The following PRDM2 variants were observed in gnomAD, a reference collection of about 807,000 sequenced individuals.
PRDM2 encodes the protein PR/SET domain 2, also known as PR domain zinc finger protein 2.
PRDM2 carries 30 observed loss-of-function variants against 130.0 expected under a neutral mutation model. That is an observed-to-expected ratio of 0.23 (90% CI 0.17 to 0.31). PRDM2 has a LOEUF of 0.31. Among genes scored for constraint, PRDM2 ranks in the 10% least tolerant of loss-of-function variants. PRDM2 has a pLI of 1.00. For synonymous variants in PRDM2, 871 were observed against 782.4 expected (o/e 1.11, Z -1.89); for missense variants, 2,011 against 2,108.4 (o/e 0.95, Z 0.90).
At chr1:13,797,299 C>A (rs751686571) in intron 8 of PRDM2, among the ~76,000 whole-genome samples, 1 of 152,140 alleles carries the variant, frequency 6.6e-6, no homozygotes, top group Non-Finnish European at 1.5e-5. Flanking sequence ...TGTCTTCATT[C>A]TTATGTTAGG....
At chr1:13,706,621 G>A (rs1642218444) in intron 1 of PRDM2, among the ~76,000 whole-genome samples, 1 of 151,998 alleles carries the variant, frequency 6.6e-6, no homozygotes, top group South Asian at 2.1e-4. Flanking sequence ...TTCTGTCCTT[G>A]CTCTGCACTG....
In PRDM2 at chr1:13,749,478, A is replaced by G; in HGVS notation, c.502A>G (p.Ser168Gly). The change falls in exon 6 of 10, where the codon AGC becomes GGC. Residue 168 changes from serine (S) to glycine (G), a missense_variant. Ser to Gly is a moderately conservative substitution (Grantham distance 56, BLOSUM62 0). Transcript: ENST00000311066. Reference protein sequence around the residue: ...SARSKRSSPKSRKGKKKSQEN... With the variant: ...SARSKRSSPKGRKGKKKSQEN... The stretch of plus-strand genomic sequence containing the variant: ...CCGGAGCAAGCGGAGCTCCCCCAAG[A>G]GCCGGAAAGGTAGGAGCCCCCCGGC... 2 of 1,463,562 alleles carry G rather than the reference A, an allele frequency of 1.4e-6. No homozygotes were observed. The highest frequency in any genetic ancestry group is 1.8e-6 in the Non-Finnish European group (2 of 1,091,428). 90.7% of individuals were successfully genotyped at this position (1,463,562 alleles called of 1,614,324 possible). A position where few individuals can be genotyped will look rare whatever the true frequency, so the allele number is the denominator to read the frequency against.
At position 13,781,344 on chromosome 1, in the gene PRDM2, G is replaced by A; in HGVS notation, c.3549G>A (p.Leu1183=). Residue 1183 remains leucine, a synonymous_variant, in exon 8 of 10, where the codon TTG becomes TTA. Coordinates refer to ENST00000311066, the MANE Select transcript of PRDM2 (RefSeq NM_001393986.1). The surrounding 1 kb of genome is among the most constrained non-coding windows in gnomAD (Gnocchi z 6.1). ...CGGACTTGTCAGAACATCGCTTTTT[G>A]CTTCATGGAGTTGGGAATATCTTTG... ...DKTDLSEHRF[L]LHGVGNIFVC... The A allele has an allele frequency of 1.2e-6, 2 of 1,613,734 alleles. No homozygotes were observed. The highest frequency in any genetic ancestry group is 1.7e-6 in the Non-Finnish European group (2 of 1,179,908).
At chr1:13,731,354 G>A (rs1643102814) in intron 3 of PRDM2, among the ~76,000 whole-genome samples, 2 of 151,926 alleles carry the variant, frequency 1.3e-5, no homozygotes, top group South Asian at 4.2e-4. Flanking sequence ...ACACACACAC[G>A]TAGGTCCCAT....
intron 8 of PRDM2, among the ~76,000 whole-genome samples, chr1:13,786,083 C>T (rs758895397): frequency 6.6e-6 from 1 of 151,980 alleles, no homozygotes; most frequent in Non-Finnish European, 1.5e-5. Flanking sequence ...TATGATCCGC[C>T]CGTCTCGGCC....
chr1:13,728,602 G>C (rs779144230), intron 2 of PRDM2, among the ~76,000 whole-genome samples: 8 of 152,070 alleles, frequency 5.3e-5, no homozygotes, highest in South Asian at 2.1e-4. Context: ...GTAATGTGAA[G>C]GATACGACAA....
chr1:13,764,125 T>A (rs1644168106), intron 6 of PRDM2, among the ~76,000 whole-genome samples: 1 of 152,234 alleles, frequency 6.6e-6, no homozygotes, highest in African/African-American at 2.4e-5. Flanking sequence ...GATTTTCTTC[T>A]TAGCTGAGAG....
At chr1:13,817,428 A>C (rs1645274509) in intron 9 of PRDM2, among the ~76,000 whole-genome samples, 2 of 152,138 alleles carry the variant, frequency 1.3e-5, no homozygotes, top group Admixed American at 1.3e-4. Flanking sequence ...GTTGGATAAA[A>C]ACATGGAAAC....
chr1:13,734,087 G>A (rs1643193821), intron 4 of PRDM2, among the ~76,000 whole-genome samples: 2 of 152,102 alleles, frequency 1.3e-5, no homozygotes, highest in African/African-American at 4.8e-5. Flanking sequence ...TTATGAATTT[G>A]TTATAATGTA....
intron 6 of PRDM2, among the ~76,000 whole-genome samples, chr1:13,754,778 C>T (rs924059167): frequency 1.3e-5 from 2 of 152,310 alleles, no homozygotes; most frequent in South Asian, 4.1e-4. Flanking sequence ...GGTCCTGTGC[C>T]CACTGACTTA....
chr1:13,777,255 C>T (rs1644495330), intron 7 of PRDM2, among the ~76,000 whole-genome samples: 1 of 152,162 alleles, frequency 6.6e-6, no homozygotes, highest in Non-Finnish European at 1.5e-5. Context: ...GCTGCCACCC[C>T]TGTGCCACCA....
At chr1:13,807,845 G>T (rs1397814110) in intron 8 of PRDM2, among the ~76,000 whole-genome samples, 1 of 152,226 alleles carries the variant, frequency 6.6e-6, no homozygotes, top group Non-Finnish European at 1.5e-5. Flanking sequence ...AGGATCCCCA[G>T]GAGACGATGC....
intron 7 of PRDM2, among the ~76,000 whole-genome samples, chr1:13,778,198 G>A (rs901255917): frequency 6.6e-6 from 1 of 152,106 alleles, no homozygotes; most frequent in Non-Finnish European, 1.5e-5. Context: ...AATATTGCCT[G>A]GTACGTGGCT....
chr1:13,814,794 A>G (rs1023401840), intron 8 of PRDM2, among the ~76,000 whole-genome samples: 2 of 152,104 alleles, frequency 1.3e-5, no homozygotes, highest in African/African-American at 4.8e-5. Flanking sequence ...CTCTGCAAAC[A>G]CCTGGAGCAG....
At chr1:13,789,967 T>TA (rs1478334857) in intron 8 of PRDM2, among the ~76,000 whole-genome samples, 1 of 152,238 alleles carries the variant, frequency 6.6e-6, no homozygotes, top group Admixed American at 6.5e-5. Context: ...GGTGAAGCAC[T>TA]GCTGTTGAGC....
At chr1:13,732,211 T>C (rs1643133738) in intron 3 of PRDM2, among the ~76,000 whole-genome samples, 1 of 152,194 alleles carries the variant, frequency 6.6e-6, no homozygotes. Context: ...ATTTTGGCTG[T>C]TAGAAACTCT....
intron 8 of PRDM2, chr1:13,783,329 A>G (rs1157151602): frequency 5.5e-6 from 2 of 366,014 alleles, no homozygotes; most frequent in African/African-American, 2.1e-5. Flanking sequence ...TTAAATTTTA[A>G]TAATTGATTG....
intron 6 of PRDM2, chr1:13,770,282 C>CT: frequency 2.1e-6 from 1 of 471,112 alleles, no homozygotes; most frequent in Non-Finnish European, 4.2e-6. Context: ...GCTAGGTGCT[C>CT]TAACATTCTT....
intron 8 of PRDM2, among the ~76,000 whole-genome samples, chr1:13,784,788 C>T: frequency 6.6e-6 from 1 of 152,158 alleles, no homozygotes; most frequent in Non-Finnish European, 1.5e-5. Context: ...ATTGTCCTAA[C>T]CGTAGATGGT....
Sources: gnomAD v4.1 joint callset for allele counts (sites outside exome capture counted in the v4.1 genomes callset) on GRCh38, gnomAD v4.1.1 for gene constraint, Gnocchi (gnomAD v3.1) non-coding constraint, MANE v1.5 for transcripts, NCBI Gene and HGNC (gene_info 2026-07-23, HGNC 2026-07-21) for gene names.